Variants in NUTM2F observed in about 807,000 individuals in gnomAD.
The protein encoded by NUTM2F is NUT family member 2F.
Under a neutral mutation model 43.3 loss-of-function variants are expected in NUTM2F, and 22 were observed. That is an observed-to-expected ratio of 0.51 (90% CI 0.36 to 0.73). The LOEUF is 0.73. Among genes scored for constraint, NUTM2F ranks in the 30% least tolerant of loss-of-function variants. The probability of loss-of-function intolerance (pLI) is 0.00; values close to 1 mark genes in which losing one functional copy is unlikely to be tolerated. For missense variants in NUTM2F, 488 were observed against 927.4 expected, an observed-to-expected ratio of 0.53 and a Z score of 6.15; for synonymous variants, 202 against 389.0, an observed-to-expected ratio of 0.52 and a Z score of 5.66.
At position 94,328,606 on chromosome 9, in the gene NUTM2F, A is replaced by G. The variant is rs2118746688; in HGVS notation, c.16+2T>C. On this transcript the variant is annotated splice_donor_variant, in intron 1 of 6. Transcript: ENST00000253262. LOFTEE classifies it high-confidence loss of function. ...GATAATGCCCCATCCCTACAGGCTC[A>G]CCTCCATTTGAAGCCATCCCCTCAG... is the stretch of plus-strand genomic sequence containing the variant. 1 of 1,613,262 alleles carries G rather than the reference A, an allele frequency of 6.2e-7. No homozygotes were observed. Among genetic ancestry groups the G allele is most frequent in the Non-Finnish European group, 8.5e-7 (1 of 1,179,680 alleles).
At chr9:94,326,503 C>T (rs1449083361) in intron 1 of NUTM2F, among the ~76,000 whole-genome samples, 4 of 152,170 alleles carry the variant, frequency 2.6e-5, no homozygotes, top group Admixed American at 2.0e-4. Flanking sequence ...GTCATCCCAG[C>T]GCTTTGGGAG....
intron 1 of NUTM2F, 126 bp downstream of exon 1, chr9:94,328,482 G>A: frequency 6.6e-7 from 1 of 1,512,644 alleles, no homozygotes; most frequent in Non-Finnish European, 9.2e-7. Flanking sequence ...GATGTCCCTG[G>A]GGACATCCAG....
rs1189927438 is a variant in NUTM2F, at chr9:94,318,776, G to A, written c.1960C>T (p.Leu654=). ...GSHHRLRPWR[L]SQSPVPSSGL... ...GAGGAAGGGACAGGGCTCTGGGACA[G>A]CCTCCAGGGCCTCAGCCTGTGGTGG... is the stretch of plus-strand genomic sequence containing the variant. The change falls in exon 7 of 7, where the codon CTG becomes TTG. Residue 654 remains leucine, a synonymous_variant. Coordinates refer to ENST00000253262, the MANE Select transcript of NUTM2F (RefSeq NM_017561.2). 2.6e-6 allele frequency: 4 copies of A among 1,546,124 alleles called. No individual in the cohort carries two copies. Among genetic ancestry groups the A allele is most frequent in the Non-Finnish European group, 2.6e-6 (3 of 1,142,032 alleles).
chr9:94,322,360 T>C lies in NUTM2F; in HGVS notation c.714-31A>G, dbSNP rs1340085655. 5 of 1,611,544 alleles carry C rather than the reference T, an allele frequency of 3.1e-6. No individual in the cohort carries two copies. In the Admixed American group the frequency reaches 8.3e-5, roughly 27 times the overall value. The stretch of plus-strand genomic sequence containing the variant: ...AACCAGTGCAGTCAGTCCCAGTCTG[T>C]AAGCCCACCCTCCATCCCGGGCCCA... On this transcript the variant is annotated intron_variant, in intron 2 of 6. Transcript: ENST00000253262.
Position 94,320,274 on chromosome 9 carries a change from T to A in NUTM2F, c.1302A>T (p.Ile434=). The stretch of plus-strand genomic sequence containing the variant: ...AGCTCAGGAGGCCCGGGTCTGAGGT[T>A]ATCCCGTCCTCTTCCTGCGGCTGCT... The part of the protein sequence containing the change: ...KVEQPQEEDG[I]TSDPGLLSYI... Residue 434 remains isoleucine, a synonymous_variant, in exon 5 of 7, where the codon ATA becomes ATT. Coordinates refer to ENST00000253262, the MANE Select transcript of NUTM2F (RefSeq NM_017561.2). This position sits in a 1 kb window ranked among gnomAD's most constrained non-coding sequence, Gnocchi z 4.5. 6.2e-7 allele frequency: 1 copy of A among 1,613,978 alleles called. No individual in the cohort carries two copies. The highest frequency in any genetic ancestry group is 8.5e-7 in the Non-Finnish European group (1 of 1,179,852).
rs1831363163 is a variant in NUTM2F, at chr9:94,321,288, G to A, written c.843-56C>T. ...AGAGGGTCCAGGCCCCCTCCCCCCA[G>A]GACCAGGCAGCAGCTGAGGGCAGGG... On this transcript the variant is annotated intron_variant, in intron 3 of 6. Transcript: ENST00000253262. 3.9e-6 allele frequency: 6 copies of A among 1,544,676 alleles called. No homozygotes were observed. The Admixed American group carries it at 1.1e-4, about 30-fold the overall frequency.
At position 94,328,383 on chromosome 9, in the gene NUTM2F, C is replaced by T. The variant is rs570030747; in HGVS notation, c.16+225G>A. Among the ~76,000 whole-genome samples the T allele has an allele frequency of 6.6e-5, 10 of 152,260 alleles. No individual in the cohort carries two copies. In the East Asian group the frequency reaches 1.4e-3, roughly 21 times the overall value. ...CATCCTCTCCATCCTTTCCACTACA[C>T]GGTGTATTCCCCCAGGCATCTTGGT... On this transcript the variant is annotated intron_variant, in intron 1 of 6. Coordinates refer to ENST00000253262, the MANE Select transcript of NUTM2F (RefSeq NM_017561.2).
intron 2 of NUTM2F, among the ~76,000 whole-genome samples, chr9:94,322,846 T>A (rs1166072940): frequency 1.3e-5 from 2 of 152,176 alleles, no homozygotes; most frequent in African/African-American, 2.4e-5. Flanking sequence ...ACTTCTGGCC[T>A]CTGGAACTAG....
At position 94,320,942 on chromosome 9, in the gene NUTM2F, C is replaced by G. The variant is rs1831355389; in HGVS notation, c.982+151G>C. On this transcript the variant is annotated intron_variant, in intron 4 of 6. Coordinates refer to ENST00000253262, the MANE Select transcript of NUTM2F (RefSeq NM_017561.2). The surrounding 1 kb of genome is among the most constrained non-coding windows in gnomAD (Gnocchi z 4.5). Reference sequence around the variant, plus strand: ...GGCCACCCATGAAGTAGGTATTCACCTGGTCAATACCCAACATACACTCCC... The same window carrying G: ...GGCCACCCATGAAGTAGGTATTCACGTGGTCAATACCCAACATACACTCCC... 2 of 1,389,296 alleles carry G rather than the reference C, an allele frequency of 1.4e-6. No homozygotes were observed. The highest frequency in any genetic ancestry group is 1.9e-6 in the Non-Finnish European group (2 of 1,055,848). The allele number at this position is 1,389,296 out of a possible 1,614,324, so 86.1% of individuals were successfully genotyped here. A position where few individuals can be genotyped will look rare whatever the true frequency, so the allele number is the denominator to read the frequency against.
chr9:94,324,655 T>G lies in NUTM2F; in HGVS notation c.713+583A>C, dbSNP rs1587703774. Among the ~76,000 whole-genome samples, 14 of 114,082 alleles carry G rather than the reference T, an allele frequency of 1.2e-4. No individual in the cohort carries two copies. The South Asian group carries it at 3.9e-3, about 32-fold the overall frequency. The allele number at this position is 114,082 out of a possible 152,430, so 74.8% of individuals were successfully genotyped here. A position where few individuals can be genotyped will look rare whatever the true frequency, so the allele number is the denominator to read the frequency against. ...TCCAGCCTGGGCGACAGAGTGAGAC[T>G]CCATCTCAAAAAAAAAAAAAAAAGA... On this transcript the variant is annotated intron_variant, in intron 2 of 6. Coordinates refer to ENST00000253262, the MANE Select transcript of NUTM2F (RefSeq NM_017561.2).
At chr9:94,328,525 G>A in intron 1 of NUTM2F, 83 bp downstream of exon 1, 1 of 1,605,574 alleles carries the variant, frequency 6.2e-7, no homozygotes, top group Non-Finnish European at 8.5e-7. Flanking sequence ...CCTATAAGCT[G>A]TCCCCAGGGA....
At chr9:94,326,318 C>G (rs1831452255) in intron 1 of NUTM2F, among the ~76,000 whole-genome samples, 1 of 151,766 alleles carries the variant, frequency 6.6e-6, no homozygotes, top group African/African-American at 2.4e-5. Flanking sequence ...GGGGCCTACC[C>G]CAGGGCAGTG....
At chr9:94,324,878 T>C (rs1831430185) in intron 2 of NUTM2F, among the ~76,000 whole-genome samples, 1 of 146,810 alleles carries the variant, frequency 6.8e-6, no homozygotes, top group African/African-American at 2.6e-5. Flanking sequence ...TCCCAACTAC[T>C]CAGGAAGCTG....
Position 94,325,763 on chromosome 9 carries a change from G to A in NUTM2F, c.188C>T (p.Pro63Leu). 1.9e-6 allele frequency: 3 copies of A among 1,612,130 alleles called. No homozygotes were observed. Among genetic ancestry groups the A allele is most frequent in the Non-Finnish European group, 2.5e-6 (3 of 1,179,862 alleles). The change falls in exon 2 of 7, where the codon CCT becomes CTT. Residue 63 changes from proline to leucine, a missense_variant. Transcript: ENST00000253262. The part of the protein sequence containing the change: ...PLVLSAFPST[P>L]LVAGQDGRGP... The stretch of plus-strand genomic sequence containing the variant: ...GCGGCCATCCTGTCCTGCCACTAGA[G>A]GGGTGCTGGGGAAGGCAGAGAGCAC...
chr9:94,326,068 T>A, intron 1 of NUTM2F, 134 bp from the exon 2 acceptor site: 1 of 771,148 alleles, frequency 1.3e-6, no homozygotes. Context: ...TCCCTGAGTG[T>A]GCATCAGATG....
Position 94,320,724 on chromosome 9 carries a change from C to T in NUTM2F, c.983-131G>A, listed in dbSNP as rs1301165201. 7 of 1,362,448 alleles carry T rather than the reference C, an allele frequency of 5.1e-6. No individual in the cohort carries two copies. In the South Asian group the frequency reaches 5.8e-5, roughly 11 times the overall value. The allele number at this position is 1,362,448 out of a possible 1,614,324, so 84.4% of individuals were successfully genotyped here. Reference sequence around the variant, plus strand: ...TCAGGACCACCTGAACCACAGCGCCCCGGAGGAGACGCCACAGGAGGGGCA... The same window carrying T: ...TCAGGACCACCTGAACCACAGCGCCTCGGAGGAGACGCCACAGGAGGGGCA... On this transcript the variant is annotated intron_variant, in intron 4 of 6. Transcript: ENST00000253262. The surrounding 1 kb of genome is among the most constrained non-coding windows in gnomAD (Gnocchi z 4.5).
Position 94,320,984 on chromosome 9 carries a change from G to T in NUTM2F, c.982+109C>A, listed in dbSNP as rs1173099828. On this transcript the variant is annotated intron_variant, in intron 4 of 6. Coordinates refer to ENST00000253262, the MANE Select transcript of NUTM2F (RefSeq NM_017561.2). The surrounding 1 kb of genome is among the most constrained non-coding windows in gnomAD (Gnocchi z 4.5). ...TACACTCCCGGAAGCTGTCCTGTTG[G>T]AGGGAGCAAATCCCCCTCTTGAAGG... 4 of 1,467,462 alleles carry T rather than the reference G, an allele frequency of 2.7e-6. No homozygotes were observed. Among genetic ancestry groups the T allele is most frequent in the Non-Finnish European group, 3.6e-6 (4 of 1,115,516 alleles). 90.9% of individuals were successfully genotyped at this position (1,467,462 alleles called of 1,614,324 possible). A position where few individuals can be genotyped will look rare whatever the true frequency, so the allele number is the denominator to read the frequency against.
chr9:94,327,671 A>G (rs1759725446), intron 1 of NUTM2F, among the ~76,000 whole-genome samples: 1 of 75,886 alleles, frequency 1.3e-5, no homozygotes, highest in Non-Finnish European at 2.5e-5. Context: ...AATAATAATA[A>G]TAGGACTGTC....
intron 2 of NUTM2F, among the ~76,000 whole-genome samples, chr9:94,323,860 T>C (rs542322402): frequency 1.8e-3 from 278 of 152,076 alleles, no homozygotes; most frequent in Admixed American, 4.7e-3. Flanking sequence ...GGCAGAACAG[T>C]GTGGGTGTGT....
Sources: allele counts gnomAD v4.1 joint callset (sites outside exome capture counted in the v4.1 genomes callset), GRCh38; gene constraint gnomAD v4.1.1; non-coding constraint Gnocchi (gnomAD v3.1); transcripts MANE v1.5; gene names NCBI Gene and HGNC (gene_info 2026-07-23, HGNC 2026-07-21).